The following CD3D variants were observed in gnomAD, a reference collection of about 807,000 sequenced individuals.
The protein encoded by CD3D is T-cell surface glycoprotein CD3 delta chain.
In CD3D, 22 loss-of-function variants were observed where a neutral mutation model predicts 22.0. The observed-to-expected ratio is 1.00, with a 90% CI of 0.71 to 1.43. The LOEUF (loss-of-function observed/expected upper bound fraction) is 1.43. CD3D is among the 40% of genes most tolerant of loss of function. The probability of loss-of-function intolerance (pLI) is 0.00; values close to 1 mark genes in which losing one functional copy is unlikely to be tolerated. For missense variants in CD3D, 205 were observed against 211.7 expected, an observed-to-expected ratio of 0.97 and a Z score of 0.20; for synonymous variants, 74 against 81.2, an observed-to-expected ratio of 0.91 and a Z score of 0.48.
rs777709761 is a variant in CD3D at position 118,340,524 on chromosome 11, G to C, written c.125C>G (p.Thr42Arg). The change falls in exon 2 of 5, where the codon ACA becomes AGA. Residue 42 changes from threonine (T) to arginine (R), a missense_variant. Thr to Arg is a moderately conservative substitution (Grantham distance 71, BLOSUM62 -1). Coordinates refer to ENST00000300692, the MANE Select transcript of CD3D (RefSeq NM_000732.6). Reference protein sequence around the residue: ...RVFVNCNTSITWVEGTVGTLL... With the variant: ...RVFVNCNTSIRWVEGTVGTLL... Reference sequence around the variant, plus strand: ...TGTTCCCACCGTTCCCTCTACCCATGTGATGCTGGTATTGCAATTCACAAA... The same window carrying C: ...TGTTCCCACCGTTCCCTCTACCCATCTGATGCTGGTATTGCAATTCACAAA... The C allele has an allele frequency of 1.5e-5, 24 of 1,613,948 alleles. No homozygotes were observed. The highest frequency in any genetic ancestry group is 1.9e-5 in the Non-Finnish European group (22 of 1,180,004).
Position 118,339,448 on chromosome 11 carries a change from C to G in CD3D, c.450+3G>C. The G allele has an allele frequency of 3.1e-6, 5 of 1,614,120 alleles. No individual in the cohort carries two copies. In the South Asian group the frequency reaches 3.3e-5, roughly 11 times the overall value. Reference sequence around the variant, plus strand: ...TTCCTGCCTCCTTCCCCTCAACGCTCACCTGATAGACCTGGTCATTCCTCA... The same window carrying G: ...TTCCTGCCTCCTTCCCCTCAACGCTGACCTGATAGACCTGGTCATTCCTCA... On this transcript the variant is annotated splice_donor_region_variant and intron_variant, in intron 4 of 4. Transcript: ENST00000300692.
At chr11:118,340,255 C>T in intron 2 of CD3D, 120 bp downstream of exon 2, 2 of 841,876 alleles carry the variant, frequency 2.4e-6, no homozygotes, top group Non-Finnish European at 4.0e-6. Context: ...TGTACCATTA[C>T]AATAGTGACC....
chr11:118,339,289 C>G, intron 4 of CD3D, 62 bp from the exon 5 acceptor site: 2 of 1,541,740 alleles, frequency 1.3e-6, no homozygotes, highest in South Asian at 2.2e-5. Flanking sequence ...GGAAGGGCCC[C>G]AGCAGGCCCT....
rs755235102 is a variant in CD3D, at chr11:118,339,206, C to A, written c.472G>T (p.Ala158Ser). The change falls in exon 5 of 5, where the codon GCT (alanine) becomes TCT (serine). Residue 158 changes from alanine (A) to serine (S), a missense_variant. Coordinates refer to ENST00000300692, the MANE Select transcript of CD3D (RefSeq NM_000732.6). ...VYQPLRDRDD[A>S]QYSHLGGNWA... ...TTTCCTCCAAGGTGGCTGTACTGAG[C>A]ATCATCTCGATCTCGGAGGGGCTAA... 5 of 1,614,012 alleles carry A rather than the reference C, an allele frequency of 3.1e-6. No individual in the cohort carries two copies. Among genetic ancestry groups the A allele is most frequent in the Non-Finnish European group, 4.2e-6 (5 of 1,179,956 alleles).
At chr11:118,342,528 C>A in intron 1 of CD3D, 25 bp downstream of exon 1, 1 of 1,609,782 alleles carries the variant, frequency 6.2e-7, no homozygotes, top group Non-Finnish European at 8.5e-7. Context: ...AGGTCCCTTC[C>A]CCCACCCACC....
In CD3D at chr11:118,339,124, T is replaced by C; in HGVS notation, c.*38A>G. The stretch of plus-strand genomic sequence containing the variant: ...GGCTGAGCAAGAAGGGAAGGTACAG[T>C]TGGTAATGGCTGCTTCTAGAAGCCA... On this transcript the variant is annotated 3_prime_UTR_variant, in exon 5 of 5. Transcript: ENST00000300692. The C allele has an allele frequency of 6.4e-7, 1 of 1,550,990 alleles. No individual in the cohort carries two copies. Among genetic ancestry groups the C allele is most frequent in the Non-Finnish European group, 8.9e-7 (1 of 1,122,432 alleles).
chr11:118,339,316 G>A (rs1948277788), intron 4 of CD3D, 89 bp from the exon 5 acceptor site: 2 of 1,491,582 alleles, frequency 1.3e-6, no homozygotes, highest in Non-Finnish European at 1.9e-6. Flanking sequence ...GAGAGCTCCT[G>A]CCTGACCTCT....
In CD3D at chr11:118,339,113, G is replaced by A. The variant is rs1480312621; in HGVS notation, c.*49C>T. 1 of 1,464,720 alleles carries A rather than the reference G, an allele frequency of 6.8e-7. No homozygotes were observed. Among genetic ancestry groups the A allele is most frequent in the Non-Finnish European group, 9.6e-7 (1 of 1,043,740 alleles). The allele number at this position is 1,464,720 out of a possible 1,614,324, so 90.7% of individuals were successfully genotyped here. A position where few individuals can be genotyped will look rare whatever the true frequency, so the allele number is the denominator to read the frequency against. On this transcript the variant is annotated 3_prime_UTR_variant, in exon 5 of 5. Transcript: ENST00000300692. ...ATATATTTATTGGCTGAGCAAGAAG[G>A]GAAGGTACAGTTGGTAATGGCTGCT...
chr11:118,342,473 A>G, intron 1 of CD3D, 80 bp downstream of exon 1: 2 of 1,327,146 alleles, frequency 1.5e-6, no homozygotes, highest in South Asian at 2.4e-5. Flanking sequence ...GCCTGGCAAG[A>G]AACACTTTCA....
At chr11:118,340,310 G>C in intron 2 of CD3D, 65 bp downstream of exon 2, 1 of 1,274,610 alleles carries the variant, frequency 7.8e-7, no homozygotes, top group Non-Finnish European at 1.1e-6. Context: ...TCCCTCTCTA[G>C]CCAGAAAGTT....
chr11:118,342,566 G>A lies in CD3D; in HGVS notation c.42C>T (p.Thr14=). Residue 14 remains threonine (T), a synonymous_variant, in exon 1 of 5, where the codon ACC becomes ACT. Transcript: ENST00000300692. ...STFLSGLVLA[T]LLSQVSPFKI... ...GAGTAGCCTTACCTTGCGAGAGAAG[G>A]GTAGCCAGTACCAGGCCAGAGAGAA... 1 of 1,613,672 alleles carries A rather than the reference G, an allele frequency of 6.2e-7. No individual in the cohort carries two copies. The highest frequency in any genetic ancestry group is 8.5e-7 in the Non-Finnish European group (1 of 1,179,714).
rs1342219534 is a variant in CD3D at position 118,339,223 on chromosome 11, A to AG, written c.454dup (p.Leu152ProfsTer6). On this transcript the variant is annotated frameshift_variant, in exon 5 of 5. Coordinates refer to ENST00000300692, the MANE Select transcript of CD3D (RefSeq NM_000732.6). LOFTEE classifies it high-confidence loss of function. ...GTACTGAGCATCATCTCGATCTCGG[A>AG]GGGGCTAAGAGAGGAGAAGAGAAAA... The AG allele has an allele frequency of 2.5e-6, 4 of 1,613,686 alleles. No homozygotes were observed. The East Asian group carries it at 6.7e-5, about 27-fold the overall frequency.
rs539847288 is a variant in CD3D at position 118,341,416 on chromosome 11, G to A, written c.56-823C>T. Among the ~76,000 whole-genome samples the A allele has an allele frequency of 2.0e-3, 307 of 152,330 alleles. 1 individual carries two copies. The highest frequency in any genetic ancestry group is 3.8e-3 in the Non-Finnish European group (261 of 68,030). On this transcript the variant is annotated intron_variant, in intron 1 of 4. Transcript: ENST00000300692. ...AGGCCACAGAGGCACTACAGTCTAT[G>A]CCTCCAAACACAGGGAAAAGTGGAG...
At chr11:118,341,890 C>A (rs747734767) in intron 1 of CD3D, among the ~76,000 whole-genome samples, 1 of 152,148 alleles carries the variant, frequency 6.6e-6, no homozygotes, top group Admixed American at 6.5e-5. Context: ...ATAATCATGG[C>A]CAAACAAACA....
intron 4 of CD3D, 30 bp downstream of exon 4, chr11:118,339,421 C>A (rs486348): frequency 6.2e-7 from 1 of 1,613,102 alleles, no homozygotes; most frequent in South Asian, 1.1e-5. Flanking sequence ...ACCCTCCCTT[C>A]ATTCCTGCCT....
At chr11:118,339,330 G>C (rs949202270) in intron 4 of CD3D, 103 bp from the exon 5 acceptor site, 1 of 1,480,600 alleles carries the variant, frequency 6.8e-7, no homozygotes, top group Admixed American at 1.7e-5. Flanking sequence ...GACCTCTCCA[G>C]TCACACCCAG....
rs929089631 is a variant in CD3D, at chr11:118,340,229, G to T, written c.274+146C>A. ...TTAAGCTCTCTCTTCCACTTTGAAG[G>T]TCCCCAAATCTGGCTTGTACCATTA... On this transcript the variant is annotated intron_variant, in intron 2 of 4. Transcript: ENST00000300692. 8.0e-6 allele frequency: 6 copies of T among 749,836 alleles called. No homozygotes were observed. In the East Asian group the frequency reaches 1.1e-4, roughly 13 times the overall value. 46.4% of individuals were successfully genotyped at this position (749,836 alleles called of 1,614,324 possible).
In CD3D at chr11:118,342,495, C is replaced by T; in HGVS notation, c.55+58G>A. On this transcript the variant is annotated intron_variant, in intron 1 of 4. Coordinates refer to ENST00000300692, the MANE Select transcript of CD3D (RefSeq NM_000732.6). ...AAGAAACACTTTCAAGTGGGCCTCA[C>T]TCCCATCAGTAATGTCCCTCTCAGG... is the stretch of plus-strand genomic sequence containing the variant. The T allele has an allele frequency of 2.0e-6, 3 of 1,476,182 alleles. No homozygotes were observed. In the South Asian group the frequency reaches 3.4e-5, roughly 17 times the overall value. 91.4% of individuals were successfully genotyped at this position (1,476,182 alleles called of 1,614,324 possible). A position where few individuals can be genotyped will look rare whatever the true frequency, so the allele number is the denominator to read the frequency against.
Position 118,340,357 on chromosome 11 carries a change from G to C in CD3D, c.274+18C>G. On this transcript the variant is annotated intron_variant, in intron 2 of 4. Coordinates refer to ENST00000300692, the MANE Select transcript of CD3D (RefSeq NM_000732.6). Reference sequence around the variant, plus strand: ...AAGCCCTATCCATTCCAACCCAAAGGGTTCAGGAAGCACGTACTTCGATAA... The same window carrying C: ...AAGCCCTATCCATTCCAACCCAAAGCGTTCAGGAAGCACGTACTTCGATAA... 1 of 1,599,130 alleles carries C rather than the reference G, an allele frequency of 6.3e-7. No individual in the cohort carries two copies. Among genetic ancestry groups the C allele is most frequent in the South Asian group, 1.1e-5 (1 of 90,788 alleles).
Sources: gnomAD v4.1 joint callset for allele counts (sites outside exome capture counted in the v4.1 genomes callset) on GRCh38, gnomAD v4.1.1 for gene constraint, MANE v1.5 for transcripts, NCBI Gene and HGNC (gene_info 2026-07-23, HGNC 2026-07-21) for gene names.